The following IMMP2L variants were observed in gnomAD, a reference collection of about 807,000 sequenced individuals.
IMMP2L encodes mitochondrial inner membrane protease subunit 2.
A neutral mutation model predicts 19.3 loss-of-function variants in IMMP2L; 18 were observed. The ratio of observed to expected loss-of-function variants is 0.93; its 90% CI spans 0.64 to 1.38. The LOEUF is 1.38. IMMP2L is among the 40% of genes most tolerant of loss of function. The pLI is 0.00. For missense variants in IMMP2L, 233 were observed against 218.2 expected, an observed-to-expected ratio of 1.07 and a Z score of -0.43; for synonymous variants, 76 against 73.0, an observed-to-expected ratio of 1.04 and a Z score of -0.21.
At chr7:111,400,409 T>C (rs996675516) in intron 3 of IMMP2L, among the ~76,000 whole-genome samples, 1 of 152,124 alleles carries the variant, frequency 6.6e-6, no homozygotes, top group Non-Finnish European at 1.5e-5. Flanking sequence ...CAAAATTCTA[T>C]GATGACATGA....
intron 3 of IMMP2L, among the ~76,000 whole-genome samples, chr7:111,292,061 T>C (rs1821172610): frequency 6.6e-6 from 1 of 152,126 alleles, no homozygotes; most frequent in Non-Finnish European, 1.5e-5. Flanking sequence ...ATAATATCTC[T>C]TCACACACAG....
At position 110,951,578 on chromosome 7, in the gene IMMP2L, T is replaced by C. The variant is rs192341616; in HGVS notation, c.305+11922A>G. 2.1e-3 allele frequency among the ~76,000 whole-genome samples: 315 copies of C among 151,748 alleles called. 2 individuals carry two copies. Among genetic ancestry groups the C allele is most frequent in the African/African-American group, 7.2e-3 (299 of 41,422 alleles). On this transcript the variant is annotated intron_variant, in intron 4 of 5. Coordinates refer to ENST00000405709, the MANE Select transcript of IMMP2L (RefSeq NM_032549.4). ...GTGTGTGTGTATGTGTGTGTGTGTA[T>C]ACATATATATATTTAATTTTATTTG...
chr7:110,815,388 T>C (rs1195623782), intron 5 of IMMP2L, among the ~76,000 whole-genome samples: 1 of 152,124 alleles, frequency 6.6e-6, no homozygotes, highest in Non-Finnish European at 1.5e-5. Context: ...TTGAGGATTT[T>C]TGCATCAATG....
intron 5 of IMMP2L, among the ~76,000 whole-genome samples, chr7:110,717,242 C>T (rs1447376103): frequency 1.3e-5 from 2 of 152,032 alleles, no homozygotes; most frequent in Admixed American, 6.6e-5. Flanking sequence ...TTTGGGAGGC[C>T]GAGGCGGGCG....
intron 3 of IMMP2L, among the ~76,000 whole-genome samples, chr7:110,993,612 C>T (rs1822712892): frequency 6.6e-6 from 1 of 151,764 alleles, no homozygotes; most frequent in African/African-American, 2.4e-5. Flanking sequence ...AAAAACAGAC[C>T]TCAAACCTCT....
At chr7:111,092,221 T>C (rs974562170) in intron 3 of IMMP2L, among the ~76,000 whole-genome samples, 4 of 152,190 alleles carry the variant, frequency 2.6e-5, no homozygotes, top group African/African-American at 9.7e-5. Flanking sequence ...CTAATGCAGC[T>C]GGAACTGCCA....
intron 3 of IMMP2L, among the ~76,000 whole-genome samples, chr7:111,235,448 G>A (rs1314473594): frequency 6.6e-6 from 1 of 151,292 alleles, no homozygotes; most frequent in Non-Finnish European, 1.5e-5. Context: ...TCCAGCCTGG[G>A]TAACAAGAGC....
intron 3 of IMMP2L, among the ~76,000 whole-genome samples, chr7:111,060,737 A>G (rs547615707): frequency 1.3e-5 from 2 of 152,374 alleles, no homozygotes; most frequent in African/African-American, 2.4e-5. Context: ...ACAGAACTCA[A>G]TAACAATTAT....
intron 5 of IMMP2L, among the ~76,000 whole-genome samples, chr7:110,845,161 G>C (rs1805544011): frequency 6.6e-6 from 1 of 152,034 alleles, no homozygotes; most frequent in East Asian, 1.9e-4. Context: ...CATTCACTGT[G>C]TTCCATGTTT....
chr7:111,435,472 A>T (rs541952497), intron 3 of IMMP2L, among the ~76,000 whole-genome samples: 1 of 151,990 alleles, frequency 6.6e-6, no homozygotes, highest in South Asian at 2.1e-4. Context: ...GAGGCTAAAC[A>T]ATGAGTACAC....
At chr7:110,972,158 T>C (rs972030843) in intron 3 of IMMP2L, among the ~76,000 whole-genome samples, 1 of 150,466 alleles carries the variant, frequency 6.6e-6, no homozygotes, top group South Asian at 2.1e-4. Flanking sequence ...TATTAGCAAA[T>C]TGTTTCCAGA....
intron 3 of IMMP2L, among the ~76,000 whole-genome samples, chr7:111,231,469 G>A (rs750559873): frequency 4.6e-5 from 7 of 151,832 alleles, no homozygotes; most frequent in South Asian, 2.1e-4. Flanking sequence ...TCCTAATCAC[G>A]CACCGGATCT....
At chr7:110,804,877 G>C (rs1801517526) in intron 5 of IMMP2L, among the ~76,000 whole-genome samples, 1 of 152,088 alleles carries the variant, frequency 6.6e-6, no homozygotes, top group Non-Finnish European at 1.5e-5. Flanking sequence ...TGCAGTCTAA[G>C]CCAGAATGTT....
At chr7:111,380,466 T>C (rs573880068) in intron 3 of IMMP2L, among the ~76,000 whole-genome samples, 1 of 152,134 alleles carries the variant, frequency 6.6e-6, no homozygotes, top group East Asian at 1.9e-4. Context: ...GGACTAGTGC[T>C]AGGGTTCAGA....
intron 3 of IMMP2L, among the ~76,000 whole-genome samples, chr7:111,430,788 G>C (rs533289628): frequency 6.6e-6 from 1 of 151,696 alleles, no homozygotes; most frequent in South Asian, 2.1e-4. Context: ...TACCCAGGGA[G>C]AGAAATAGAC....
At chr7:110,944,201 G>A (rs1022966240) in intron 4 of IMMP2L, among the ~76,000 whole-genome samples, 2 of 151,898 alleles carry the variant, frequency 1.3e-5, no homozygotes, top group Admixed American at 1.3e-4. Context: ...ACCTCAGGGA[G>A]CTCACAGATA....
At chr7:111,372,763 A>G (rs1830366442) in intron 3 of IMMP2L, among the ~76,000 whole-genome samples, 1 of 152,072 alleles carries the variant, frequency 6.6e-6, no homozygotes, top group African/African-American at 2.4e-5. Flanking sequence ...ATGTATGAGC[A>G]AGGATGATAA....
At chr7:110,884,516 T>C (rs1421808140) in intron 5 of IMMP2L, among the ~76,000 whole-genome samples, 1 of 152,042 alleles carries the variant, frequency 6.6e-6, no homozygotes, top group Non-Finnish European at 1.5e-5. Context: ...ATCCATATCA[T>C]GGGACGATAG....
chr7:111,353,183 G>A (rs900116982), intron 3 of IMMP2L, among the ~76,000 whole-genome samples: 4 of 152,244 alleles, frequency 2.6e-5, no homozygotes, highest in South Asian at 2.1e-4. Flanking sequence ...CTTAGATAAC[G>A]CTTGCCATCC....
Sources: gnomAD v4.1 joint callset for allele counts (sites outside exome capture counted in the v4.1 genomes callset) on GRCh38, gnomAD v4.1.1 for gene constraint, MANE v1.5 for transcripts, NCBI Gene and HGNC (gene_info 2026-07-23, HGNC 2026-07-21) for gene names.